TGFBR3: variants seen among roughly 807,000 people sequenced by gnomAD.
TGFBR3 encodes transforming growth factor beta receptor 3, also known as transforming growth factor beta receptor type 3.
TGFBR3 carries 46 observed loss-of-function variants against 87.9 expected under a neutral mutation model. The observed-to-expected ratio is 0.52, with a 90% confidence interval of 0.41 to 0.67. TGFBR3 has a LOEUF of 0.67. TGFBR3 is among the 30% of genes least tolerant of loss of function. The probability of loss-of-function intolerance (pLI) is 0.00; values close to 1 mark genes in which losing one functional copy is unlikely to be tolerated. For synonymous variants in TGFBR3, 381 were observed against 391.6 expected, an observed-to-expected ratio of 0.97 and a Z score of 0.32; for missense variants, 866 against 1,041.9, an observed-to-expected ratio of 0.83 and a Z score of 2.32.
intron 11 of TGFBR3, 56 bp downstream of exon 11, chr1:91,716,512 A>G: frequency 6.2e-7 from 1 of 1,614,128 alleles, no homozygotes; most frequent in Non-Finnish European, 8.5e-7. Flanking sequence ...CCCTAACTAA[A>G]GCCAACAAAA....
intron 2 of TGFBR3, among the ~76,000 whole-genome samples, chr1:91,850,406 G>A (rs1476475947): frequency 6.6e-6 from 1 of 152,194 alleles, no homozygotes; most frequent in Non-Finnish European, 1.5e-5. Flanking sequence ...CAACATAATT[G>A]TCATGCACAG....
rs369943428 is a variant in TGFBR3 at position 91,719,441 on chromosome 1, G to A, written c.1437C>T (p.Asp479=). 33 of 1,613,998 alleles carry A rather than the reference G, an allele frequency of 2.0e-5. No homozygotes were observed. Among genetic ancestry groups the A allele is most frequent in the Non-Finnish European group, 2.7e-5 (32 of 1,180,022 alleles). The part of the protein sequence containing the change: ...SFQASGYSGM[D]VTLLDPTCKA... The stretch of plus-strand genomic sequence containing the variant: ...TGCAGGTAGGATCCAACAGGGTGAC[G>A]TCCATCCCCGAGTAGCCACTGGCCT... The change falls in exon 10 of 17, where the codon GAC becomes GAT. Residue 479 remains aspartate (D), a synonymous_variant. Coordinates refer to ENST00000212355, the MANE Select transcript of TGFBR3 (RefSeq NM_003243.5).
intron 10 of TGFBR3, 59 bp from the exon 11 acceptor site, chr1:91,716,767 T>C: frequency 1.2e-6 from 2 of 1,600,964 alleles, no homozygotes; most frequent in South Asian, 2.2e-5. Context: ...GTGTGTTTGG[T>C]TCTGCCTCAC....
intron 6 of TGFBR3, among the ~76,000 whole-genome samples, chr1:91,729,460 G>A (rs1672686395): frequency 2.0e-5 from 3 of 152,188 alleles, no homozygotes; most frequent in South Asian, 4.1e-4. Context: ...CTTAGTCAGA[G>A]GTGATAAAGA....
chr1:91,875,505 GAC>G (rs1312194112), intron 1 of TGFBR3, among the ~76,000 whole-genome samples: 1 of 151,992 alleles, frequency 6.6e-6, no homozygotes, highest in Non-Finnish European at 1.5e-5. Flanking sequence ...AGACTGAAAA[GAC>G]AAGAAAAAGA....
At chr1:91,768,997 G>A (rs1166606636) in intron 3 of TGFBR3, among the ~76,000 whole-genome samples, 5 of 152,088 alleles carry the variant, frequency 3.3e-5, no homozygotes, top group African/African-American at 1.2e-4. Flanking sequence ...AGTTTGACCT[G>A]GTGGTTAAGA....
chr1:91,784,281 C>T (rs1324038893), intron 3 of TGFBR3, among the ~76,000 whole-genome samples: 1 of 152,156 alleles, frequency 6.6e-6, no homozygotes, highest in African/African-American at 2.4e-5. Flanking sequence ...ACTAAGTCCA[C>T]TAATAGAATG....
rs1464275352 is a variant in TGFBR3, at chr1:91,808,777, GACCA to G, written c.62-11310_62-11307del. Among the ~76,000 whole-genome samples, 3 of 152,190 alleles carry G rather than the reference GACCA, an allele frequency of 2.0e-5. No homozygotes were observed. In the South Asian group the frequency reaches 6.2e-4, roughly 32 times the overall value. On this transcript the variant is annotated intron_variant, in intron 2 of 16. Transcript: ENST00000212355. ...CCACACCGAGCACTGATTTACTTTT[GACCA>G]ATAATATGGTGCACCTGTCCCTATT...
At chr1:91,684,719 G>C (rs1329732030) in intron 16 of TGFBR3, among the ~76,000 whole-genome samples, 1 of 152,120 alleles carries the variant, frequency 6.6e-6, no homozygotes, top group Non-Finnish European at 1.5e-5. Context: ...TCTTCTCTTC[G>C]GCAAAACCGG....
intron 1 of TGFBR3, among the ~76,000 whole-genome samples, chr1:91,870,503 G>C (rs375056779): frequency 2.0e-5 from 3 of 152,212 alleles, no homozygotes; most frequent in East Asian, 1.9e-4. Flanking sequence ...TAATTATTCT[G>C]TGGTTGATCA....
At chr1:91,886,811 AAATT>A (rs1679331924), upstream of TGFBR3, among the ~76,000 whole-genome samples, 1 of 151,974 alleles carries the variant, frequency 6.6e-6, no homozygotes, top group Admixed American at 6.6e-5. Flanking sequence ...CTAGCTAAAT[AAATT>A]AATACAAATA....
At position 91,883,886 on chromosome 1, in the gene TGFBR3, T is replaced by C. The variant is rs139683564; in HGVS notation, c.-114+1992A>G. Among the ~76,000 whole-genome samples, 268 of 152,200 alleles carry C rather than the reference T, an allele frequency of 1.8e-3. 2 individuals are homozygous for C. Among genetic ancestry groups the C allele is most frequent in the Non-Finnish European group, 1.9e-3 (131 of 68,016 alleles). On this transcript the variant is annotated intron_variant, in intron 1 of 16. Transcript: ENST00000212355. ...ACATCCTTTAACTGACACAATGGCATGAAATCAATTTCATGTTAATAGCCC... is the reference window on the plus strand; with the variant it reads ...ACATCCTTTAACTGACACAATGGCACGAAATCAATTTCATGTTAATAGCCC...
At chr1:91,764,536 A>G (rs1361081010) in intron 3 of TGFBR3, among the ~76,000 whole-genome samples, 1 of 151,784 alleles carries the variant, frequency 6.6e-6, no homozygotes, top group Non-Finnish European at 1.5e-5. Context: ...GATTCCAGAG[A>G]CCCAGGCCCT....
At chr1:91,839,256 A>T (rs1299157360) in intron 2 of TGFBR3, among the ~76,000 whole-genome samples, 1 of 152,174 alleles carries the variant, frequency 6.6e-6, no homozygotes, top group Non-Finnish European at 1.5e-5. Flanking sequence ...GGAATTTACA[A>T]GTGTGAGCCA....
intron 4 of TGFBR3, among the ~76,000 whole-genome samples, chr1:91,744,696 C>A (rs898058261): frequency 1.3e-5 from 2 of 152,158 alleles, no homozygotes; most frequent in African/African-American, 4.8e-5. Flanking sequence ...ATAATCCTCC[C>A]TCTACCACTC....
chr1:91,706,023 C>T (rs1370092888), intron 14 of TGFBR3, among the ~76,000 whole-genome samples: 5 of 152,178 alleles, frequency 3.3e-5, no homozygotes, highest in South Asian at 2.1e-4. Flanking sequence ...AGTTATACTG[C>T]GGCAATATTA....
intron 2 of TGFBR3, among the ~76,000 whole-genome samples, chr1:91,849,048 A>C (rs1304935963): frequency 6.6e-6 from 1 of 152,144 alleles, no homozygotes; most frequent in Non-Finnish European, 1.5e-5. Context: ...TAGGTTGGGG[A>C]AAAATTACAA....
intron 4 of TGFBR3, among the ~76,000 whole-genome samples, chr1:91,741,622 C>T (rs534883414): frequency 3.3e-5 from 5 of 152,298 alleles, no homozygotes; most frequent in African/African-American, 1.2e-4. Context: ...CATCCAGAGG[C>T]TATCCAGGAG....
intron 3 of TGFBR3, among the ~76,000 whole-genome samples, chr1:91,795,697 C>T (rs17884490): frequency 2.0e-5 from 3 of 152,152 alleles, no homozygotes; most frequent in Non-Finnish European, 4.4e-5. Context: ...GAGTCAGCAA[C>T]GCTTCATAGG....
Sources: allele counts gnomAD v4.1 joint callset (sites outside exome capture counted in the v4.1 genomes callset), GRCh38; gene constraint gnomAD v4.1.1; transcripts MANE v1.5; gene names NCBI Gene and HGNC (gene_info 2026-07-23, HGNC 2026-07-21).